The following CLIP4 variants were observed in gnomAD, a reference collection of about 807,000 sequenced individuals.
CLIP4 encodes the protein CAP-Gly domain-containing linker protein 4.
In CLIP4, 47 loss-of-function variants were observed where a neutral mutation model predicts 73.1. The ratio of observed to expected loss-of-function variants is 0.64; its 90% confidence interval spans 0.51 to 0.82. The LOEUF (loss-of-function observed/expected upper bound fraction) is 0.82, where lower values mean the gene tolerates loss of function less well. Among genes scored for constraint, CLIP4 ranks in the 40% least tolerant of loss-of-function variants. The pLI is 0.00. For synonymous variants in CLIP4, 306 were observed against 295.4 expected, an observed-to-expected ratio of 1.04 and a Z score of -0.37; for missense variants, 874 against 852.9, an observed-to-expected ratio of 1.02 and a Z score of -0.31.
chr2:29,157,863 G>T (rs1667029585), intron 11 of CLIP4, among the ~76,000 whole-genome samples: 1 of 152,158 alleles, frequency 6.6e-6, no homozygotes, highest in African/African-American at 2.4e-5. Context: ...CATAGATTTT[G>T]TCTGTTGCAG....
At chr2:29,131,226 G>A in intron 2 of CLIP4, 32 bp from the exon 3 acceptor site, 3 of 1,508,156 alleles carry the variant, frequency 2.0e-6, no homozygotes, top group Non-Finnish European at 1.8e-6. Flanking sequence ...GAAACTTTTA[G>A]TAAATTTAAT....
chr2:29,129,206 C>G (rs1228917958), intron 2 of CLIP4, among the ~76,000 whole-genome samples: 2 of 152,066 alleles, frequency 1.3e-5, no homozygotes, highest in African/African-American at 4.8e-5. Context: ...GACTAGTAGA[C>G]CTACATAGAA....
Position 29,183,274 on chromosome 2 carries a change from A to C in CLIP4, c.*1381A>C. 6.6e-6 allele frequency: 1 copy of C among 152,648 alleles called. No individual in the cohort carries two copies. The highest frequency in any genetic ancestry group is 1.5e-5 in the Non-Finnish European group (1 of 68,032). The allele number at this position is 152,648 out of a possible 1,614,324, so 9.5% of individuals were successfully genotyped here. ...AGAATGGAGCTTGCCTTGTGCTTAG[A>C]AATAATATGTTGAACTATTTTGCAA... is the stretch of plus-strand genomic sequence containing the variant. On this transcript the variant is annotated 3_prime_UTR_variant, in exon 16 of 16. Transcript: ENST00000320081.
chr2:29,131,152 A>G (rs940222139), intron 2 of CLIP4, 106 bp from the exon 3 acceptor site: 11 of 1,016,878 alleles, frequency 1.1e-5, no homozygotes, highest in Non-Finnish European at 1.5e-5. Context: ...TTTTTTTAGC[A>G]TCTAAAATAT....
chr2:29,144,798 C>CTT (rs34304199), intron 7 of CLIP4, among the ~76,000 whole-genome samples: 3,853 of 84,218 alleles, frequency 0.046, 187 homozygotes, highest in African/African-American at 0.054. Flanking sequence ...AGTTATATCC[C>CTT]TTTTTTTTTT....
intron 14 of CLIP4, among the ~76,000 whole-genome samples, chr2:29,168,482 T>A (rs1667771968): frequency 6.6e-6 from 1 of 150,674 alleles, no homozygotes; most frequent in South Asian, 2.1e-4. Context: ...TTTTTTGTAG[T>A]CAAAATAGCA....
chr2:29,175,062 A>G (rs1668245032), intron 15 of CLIP4, among the ~76,000 whole-genome samples: 1 of 152,074 alleles, frequency 6.6e-6, no homozygotes, highest in African/African-American at 2.4e-5. Flanking sequence ...TATGAATAAT[A>G]CCCTGGGGGA....
chr2:29,152,546 T>C (rs543889884), intron 8 of CLIP4, 139 bp from the exon 9 acceptor site: 2 of 736,014 alleles, frequency 2.7e-6, no homozygotes, highest in South Asian at 2.3e-5. Context: ...GTGTCTTACA[T>C]TTTTTTTCCT....
intron 14 of CLIP4, among the ~76,000 whole-genome samples, chr2:29,170,741 A>T (rs143113956): frequency 1.3e-5 from 2 of 152,216 alleles, no homozygotes; most frequent in African/African-American, 4.8e-5. Context: ...GTGTCTTATA[A>T]GATCTATGAT....
Position 29,174,421 on chromosome 2 carries a change from T to A in CLIP4, c.1772T>A (p.Ile591Asn). 1.9e-6 allele frequency: 3 copies of A among 1,612,376 alleles called. No homozygotes were observed. The highest frequency in any genetic ancestry group is 2.5e-6 in the Non-Finnish European group (3 of 1,179,658). ...ACTTCTGCTTCTTCCCAAAAGGAGA[T>A]TAACAGAAGAAATGCTTTTTCCAAG... ...STTSASSQKE[I>N]NRRNAFSKSK... Residue 591 changes from isoleucine (I) to asparagine (N), a missense_variant, in exon 15 of 16, where the codon ATT becomes AAT. Physicochemically the swap from Ile to Asn is moderately radical, Grantham distance 149 (BLOSUM62 -3). Transcript: ENST00000320081.
intron 5 of CLIP4, among the ~76,000 whole-genome samples, chr2:29,134,315 G>A (rs1382114163): frequency 6.6e-6 from 1 of 151,986 alleles, no homozygotes; most frequent in Non-Finnish European, 1.5e-5. Flanking sequence ...CACAGTCCTG[G>A]TATTTTGATT....
At chr2:29,159,383 G>C (rs1191592088) in intron 11 of CLIP4, among the ~76,000 whole-genome samples, 1 of 152,022 alleles carries the variant, frequency 6.6e-6, no homozygotes, top group African/African-American at 2.4e-5. Flanking sequence ...TTCTCTTTCA[G>C]CTGTTATATT....
chr2:29,171,457 C>T (rs888486146), intron 14 of CLIP4, among the ~76,000 whole-genome samples: 8 of 151,368 alleles, frequency 5.3e-5, no homozygotes, highest in African/African-American at 1.9e-4. Flanking sequence ...TGTCCATTGA[C>T]TTGTAACCTT....
At chr2:29,165,830 C>T (rs968247125) in intron 13 of CLIP4, among the ~76,000 whole-genome samples, 1 of 152,162 alleles carries the variant, frequency 6.6e-6, no homozygotes, top group South Asian at 2.1e-4. Flanking sequence ...TTTTCCTCCT[C>T]CTTTACGTTG....
At position 29,157,229 on chromosome 2, in the gene CLIP4, C is replaced by G; in HGVS notation, c.1281C>G (p.Ser427Arg). 6.2e-7 allele frequency: 1 copy of G among 1,614,080 alleles called. No individual in the cohort carries two copies. Among genetic ancestry groups the G allele is most frequent in the Non-Finnish European group, 8.5e-7 (1 of 1,179,960 alleles). The change falls in exon 11 of 16, where the codon AGC becomes AGG. Residue 427 changes from serine (S) to arginine (R), a missense_variant. By Grantham distance (110) the Ser-to-Arg change is moderately radical. Transcript: ENST00000320081. ...KDVALLGSVSSCSSTSSLEHR... is the reference protein window; with the variant it reads ...KDVALLGSVSRCSSTSSLEHR... ...TTGCCCTGCTTGGATCTGTCAGCAG[C>G]TGCTCCTCTACATCTTCTTTGGAAC...
At chr2:29,111,332 ACTT>A (rs2148442426), upstream of CLIP4, among the ~76,000 whole-genome samples, 1 of 152,276 alleles carries the variant, frequency 6.6e-6, no homozygotes, top group South Asian at 2.1e-4. Flanking sequence ...TTTCTTCCCA[ACTT>A]CTTGTTCAGT....
chr2:29,133,842 ATAT>A, intron 5 of CLIP4, 26 bp downstream of exon 5: 1 of 1,553,870 alleles, frequency 6.4e-7, no homozygotes, highest in African/African-American at 1.4e-5. Context: ...TCACCTTTAG[ATAT>A]TATTAACTGA....
chr2:29,131,604 T>G (rs1463098470), intron 3 of CLIP4: 1 of 453,358 alleles, frequency 2.2e-6, no homozygotes, highest in East Asian at 3.9e-5. Context: ...TTCTGACATT[T>G]GTAGACTCCT....
intron 11 of CLIP4, among the ~76,000 whole-genome samples, chr2:29,159,311 A>G (rs1394291606): frequency 6.6e-6 from 1 of 152,136 alleles, no homozygotes; most frequent in Non-Finnish European, 1.5e-5. Flanking sequence ...ACTCCCTCTC[A>G]GATGGCAGCT....
Sources: allele counts gnomAD v4.1 joint callset (sites outside exome capture counted in the v4.1 genomes callset), GRCh38; gene constraint gnomAD v4.1.1; transcripts MANE v1.5; gene names NCBI Gene and HGNC (gene_info 2026-07-23, HGNC 2026-07-21).